UBE2D2: variants seen among roughly 807,000 people sequenced by gnomAD.
UBE2D2 encodes the protein ubiquitin-conjugating enzyme E2 D2.
In UBE2D2, 2 loss-of-function variants were observed where a neutral mutation model predicts 24.2. That is an observed-to-expected ratio of 0.08 (90% CI 0.03 to 0.26). The LOEUF (loss-of-function observed/expected upper bound fraction) is 0.26, where lower values mean the gene tolerates loss of function less well. Ranked by LOEUF, UBE2D2 falls within the 10% of genes least tolerant of loss-of-function variation. The pLI is 1.00. For synonymous variants in UBE2D2, 58 were observed against 56.5 expected (o/e 1.03, Z -0.12); for missense variants, 44 against 177.6 (o/e 0.25, Z 4.28).
At chr5:139,578,376 C>A (rs1297319290) in intron 1 of UBE2D2, among the ~76,000 whole-genome samples, 1 of 152,030 alleles carries the variant, frequency 6.6e-6, no homozygotes, top group Non-Finnish European at 1.5e-5. Context: ...CTCTCATTCA[C>A]TTAGTTATTT....
In UBE2D2 at chr5:139,614,691, C is replaced by T. The variant is rs1754387915; in HGVS notation, c.121-6C>T. 1.2e-6 allele frequency: 2 copies of T among 1,613,706 alleles called. No homozygotes were observed. Among genetic ancestry groups the T allele is most frequent in the East Asian group, 4.5e-5 (2 of 44,806 alleles). ...ATTTTAATCCCACTTTTCTTGTTAT[C>T]AACAGAATGACAGTCCCTATCAGGG... is the stretch of plus-strand genomic sequence containing the variant. On this transcript the variant is annotated splice_region_variant and splice_polypyrimidine_tract_variant and intron_variant, in intron 3 of 6. Coordinates refer to ENST00000398733, the MANE Select transcript of UBE2D2 (RefSeq NM_003339.3).
chr5:139,572,367 G>C (rs1399677810), intron 1 of UBE2D2, among the ~76,000 whole-genome samples: 1 of 152,144 alleles, frequency 6.6e-6, no homozygotes, highest in Non-Finnish European at 1.5e-5. Flanking sequence ...GGGAAGCCAA[G>C]GCAGGAGGAT....
chr5:139,597,400 G>A (rs1753983091), intron 1 of UBE2D2, among the ~76,000 whole-genome samples: 1 of 152,190 alleles, frequency 6.6e-6, no homozygotes. Flanking sequence ...CCAAGGAAGT[G>A]TTGAATGAGT....
chr5:139,613,569 G>A (rs915741948), intron 2 of UBE2D2, among the ~76,000 whole-genome samples: 4 of 152,022 alleles, frequency 2.6e-5, no homozygotes, highest in African/African-American at 9.7e-5. Flanking sequence ...TGGGCTTTCA[G>A]CTAATATTTT....
intron 1 of UBE2D2, among the ~76,000 whole-genome samples, chr5:139,591,229 T>C (rs1297613393): frequency 1.3e-5 from 2 of 151,724 alleles, no homozygotes; most frequent in Non-Finnish European, 2.9e-5. Context: ...CAAGCAATTC[T>C]CCTGCCTCAG....
intron 1 of UBE2D2, among the ~76,000 whole-genome samples, chr5:139,541,251 T>C (rs1388577258): frequency 1.3e-5 from 2 of 150,992 alleles, no homozygotes; most frequent in African/African-American, 2.4e-5. Context: ...TGAACTGAGA[T>C]CTGGCCATTG....
chr5:139,542,868 GTTGTT>G (rs1158833360), intron 1 of UBE2D2, among the ~76,000 whole-genome samples: 1 of 152,172 alleles, frequency 6.6e-6, no homozygotes, highest in African/African-American at 2.4e-5. Context: ...TTGTTTCTGT[GTTGTT>G]TTAATAGTTT....
chr5:139,571,885 A>G (rs1211333419), intron 1 of UBE2D2, among the ~76,000 whole-genome samples: 1 of 149,576 alleles, frequency 6.7e-6, no homozygotes, highest in East Asian at 2.0e-4. Context: ...TCTCTTCTCC[A>G]CTAACTCCTC....
intron 1 of UBE2D2, among the ~76,000 whole-genome samples, chr5:139,570,182 A>G (rs1246964486): frequency 6.6e-6 from 1 of 152,192 alleles, no homozygotes; most frequent in Non-Finnish European, 1.5e-5. Flanking sequence ...CAGGAGGATC[A>G]CTTGAGCCTG....
chr5:139,589,619 G>C (rs1459948259), intron 1 of UBE2D2, among the ~76,000 whole-genome samples: 1 of 152,196 alleles, frequency 6.6e-6, no homozygotes, highest in African/African-American at 2.4e-5. Flanking sequence ...AATGAAGGCT[G>C]TCTAGAGTTT....
chr5:139,580,355 C>T (rs1753571181), intron 1 of UBE2D2, among the ~76,000 whole-genome samples: 1 of 152,114 alleles, frequency 6.6e-6, no homozygotes. Flanking sequence ...GTGAGTCACC[C>T]TGCCTGGCCA....
chr5:139,587,149 G>A (rs945362676), intron 1 of UBE2D2, among the ~76,000 whole-genome samples: 1 of 152,158 alleles, frequency 6.6e-6, no homozygotes, highest in South Asian at 2.1e-4. Flanking sequence ...TGTGGGTCAC[G>A]GAAGAGAACC....
chr5:139,602,552 C>T (rs941846672), intron 2 of UBE2D2, among the ~76,000 whole-genome samples: 4 of 152,014 alleles, frequency 2.6e-5, no homozygotes, highest in African/African-American at 9.7e-5. Context: ...GTGGTGCATG[C>T]CTGTAGCCCC....
chr5:139,530,339 A>G lies in UBE2D2; in HGVS notation c.-64+3727A>G, dbSNP rs1752585998. 2.0e-5 allele frequency among the ~76,000 whole-genome samples: 3 copies of G among 152,310 alleles called. No homozygotes were observed. The South Asian group carries it at 6.2e-4, about 32-fold the overall frequency. On this transcript the variant is annotated intron_variant, in intron 1 of 6. Transcript: ENST00000511725. Reference sequence around the variant, plus strand: ...GCACCATTAAGCCATCTTTCTTCTTACTGCCCATAAAAACAGGTGAACTTC... The same window carrying G: ...GCACCATTAAGCCATCTTTCTTCTTGCTGCCCATAAAAACAGGTGAACTTC...
intron 1 of UBE2D2, among the ~76,000 whole-genome samples, chr5:139,536,450 G>T (rs1273996921): frequency 6.6e-6 from 1 of 150,890 alleles, no homozygotes; most frequent in African/African-American, 2.4e-5. Flanking sequence ...TGCAACCTCT[G>T]CCTCCCAGGT....
At position 139,627,103 on chromosome 5, in the gene UBE2D2, G is replaced by A; in HGVS notation, c.*302G>A. 3.3e-6 allele frequency: 1 copy of A among 304,350 alleles called. No homozygotes were observed. The highest frequency in any genetic ancestry group is 4.0e-5 in the South Asian group (1 of 25,302). The allele number at this position is 304,350 out of a possible 1,614,324, so 18.9% of individuals were successfully genotyped here. A position where few individuals can be genotyped will look rare whatever the true frequency, so the allele number is the denominator to read the frequency against. On this transcript the variant is annotated 3_prime_UTR_variant, in exon 7 of 7. Transcript: ENST00000398733. ...CTTATTGACTTAAATTTGGATAACA[G>A]CAAGGTGTGAGGGGGGTGGTGGGTA...
intron 5 of UBE2D2, among the ~76,000 whole-genome samples, chr5:139,619,598 T>A (rs999623118): frequency 1.7e-4 from 26 of 152,268 alleles, no homozygotes; most frequent in Non-Finnish European, 2.9e-4. Context: ...GTGCGGTGGC[T>A]CACTCTTGTA....
At chr5:139,588,362 G>A (rs140887834) in intron 1 of UBE2D2, among the ~76,000 whole-genome samples, 2,946 of 151,190 alleles carry the variant, frequency 0.019, 46 homozygotes, top group Non-Finnish European at 0.03. Flanking sequence ...TGCAACCTCC[G>A]CCTCCCAGGT....
chr5:139,543,714 C>A (rs897016051), intron 1 of UBE2D2, among the ~76,000 whole-genome samples: 1 of 152,252 alleles, frequency 6.6e-6, no homozygotes, highest in African/African-American at 2.4e-5. Flanking sequence ...CCAATTCTTT[C>A]CTGAGAGCAG....
Sources: gnomAD v4.1 joint callset for allele counts (sites outside exome capture counted in the v4.1 genomes callset) on GRCh38, gnomAD v4.1.1 for gene constraint, MANE v1.5 for transcripts, NCBI Gene and HGNC (gene_info 2026-07-23, HGNC 2026-07-21) for gene names.